The following ZNF551 variants were observed in gnomAD, a reference collection of about 807,000 sequenced individuals.
ZNF551 encodes the protein zinc finger protein 551, also known as KOX 23 protein (56 AA).
A neutral mutation model predicts 7.9 loss-of-function variants in ZNF551; 5 were observed. The ratio of observed to expected loss-of-function variants is 0.63; its 90% CI spans 0.33 to 1.33. The LOEUF (loss-of-function observed/expected upper bound fraction) is 1.33. ZNF551 is among the 40% of genes most tolerant of loss of function. The probability of loss-of-function intolerance (pLI) is 0.05; values close to 1 mark genes in which losing one functional copy is unlikely to be tolerated. For synonymous variants in ZNF551, 287 were observed against 277.3 expected (o/e 1.03, Z -0.35); for missense variants, 788 against 825.2 (o/e 0.95, Z 0.55).
chr19:57,685,950 A>G (rs1018281043), intron 2 of ZNF551, among the ~76,000 whole-genome samples: 2 of 152,154 alleles, frequency 1.3e-5, no homozygotes, highest in Admixed American at 6.5e-5. Context: ...CTACTTCCCT[A>G]TACAATACTG....
In ZNF551 at chr19:57,690,465, A is replaced by G. The variant is rs1295618017; in HGVS notation, c.*2177A>G. 4 of 152,076 alleles carry G rather than the reference A, an allele frequency of 2.6e-5. No homozygotes were observed. The highest frequency in any genetic ancestry group is 5.9e-5 in the Non-Finnish European group (4 of 68,036). The allele number at this position is 152,076 out of a possible 1,614,324, so 9.4% of individuals were successfully genotyped here. ...TGTTTATATATGTGTGTGTGTATAT[A>G]TATATACTTACTGGTTTTCTTCATG... On this transcript the variant is annotated 3_prime_UTR_variant, in exon 3 of 3. Coordinates refer to ENST00000282296, the MANE Select transcript of ZNF551 (RefSeq NM_138347.5).
Position 57,687,066 on chromosome 19 carries a change from A to G in ZNF551, c.791A>G (p.Asn264Ser). Residue 264 changes from asparagine (N) to serine (S), a missense_variant, in exon 3 of 3, where the codon AAC (asparagine) becomes AGC (serine). Physicochemically the swap from Asn to Ser is conservative, Grantham distance 46. Transcript: ENST00000282296. The part of the protein sequence containing the change: ...SKCEKAFTCK[N>S]TLVQHQQIHT... ...TGTGAGAAAGCCTTCACTTGCAAGA[A>G]CACACTTGTTCAGCACCAGCAAATT... The G allele has an allele frequency of 1.5e-5, 24 of 1,614,242 alleles. No homozygotes were observed. The highest frequency in any genetic ancestry group is 1.9e-5 in the Non-Finnish European group (23 of 1,180,034).
Position 57,687,180 on chromosome 19 carries a change from C to T in ZNF551, c.905C>T (p.Thr302Ile). 6.2e-7 allele frequency: 1 copy of T among 1,614,208 alleles called. No homozygotes were observed. Among genetic ancestry groups the T allele is most frequent in the Non-Finnish European group, 8.5e-7 (1 of 1,180,038 alleles). ...CTAATCTTACACAAGATAATTCACA[C>T]TGGAGAAAGGCCTTATGAATGCAGT... The part of the protein sequence containing the change: ...CHLILHKIIH[T>I]GERPYECSDR... The change falls in exon 3 of 3, where the codon ACT becomes ATT. Residue 302 changes from threonine (T) to isoleucine (I), a missense_variant. Coordinates refer to ENST00000282296, the MANE Select transcript of ZNF551 (RefSeq NM_138347.5).
At chr19:57,683,143 C>A (rs116726374) in intron 1 of ZNF551, among the ~76,000 whole-genome samples, 1 of 152,092 alleles carries the variant, frequency 6.6e-6, no homozygotes, top group Non-Finnish European at 1.5e-5. Context: ...ATTAGGCTCC[C>A]TGTGGCTGCA....
intron 1 of ZNF551, among the ~76,000 whole-genome samples, chr19:57,683,874 G>A (rs1240780251): frequency 1.3e-5 from 2 of 152,162 alleles, no homozygotes; most frequent in Non-Finnish European, 2.9e-5. Context: ...TCACCTCTCT[G>A]CAGACTGACC....
intron 1 of ZNF551, among the ~76,000 whole-genome samples, chr19:57,684,589 G>C (rs1358372942): frequency 2.6e-5 from 4 of 152,046 alleles, no homozygotes; most frequent in Non-Finnish European, 5.9e-5. Flanking sequence ...ATGACCAATG[G>C]GACCATAAGG....
Position 57,690,391 on chromosome 19 carries a change from A to G in ZNF551, c.*2103A>G, listed in dbSNP as rs1002457399. The G allele has an allele frequency of 1.1e-4, 16 of 152,002 alleles. No individual in the cohort carries two copies. Among genetic ancestry groups the G allele is most frequent in the Middle Eastern group, 3.4e-3 (1 of 294 alleles). 9.4% of individuals were successfully genotyped at this position (152,002 alleles called of 1,614,324 possible). A position where few individuals can be genotyped will look rare whatever the true frequency, so the allele number is the denominator to read the frequency against. On this transcript the variant is annotated 3_prime_UTR_variant, in exon 3 of 3. Transcript: ENST00000282296. ...GATACATACACACACACACACACAC[A>G]CACACACACACGTATACGCATATAC...
At position 57,681,979 on chromosome 19, in the gene ZNF551, A is replaced by G. The variant is rs1401039402; in HGVS notation, c.-185A>G. 2 of 630,804 alleles carry G rather than the reference A, an allele frequency of 3.2e-6. No individual in the cohort carries two copies. Among genetic ancestry groups the G allele is most frequent in the African/African-American group, 1.9e-5 (1 of 53,700 alleles). 39.1% of individuals were successfully genotyped at this position (630,804 alleles called of 1,614,324 possible). On this transcript the variant is annotated 5_prime_UTR_variant, in exon 1 of 3. Coordinates refer to ENST00000282296, the MANE Select transcript of ZNF551 (RefSeq NM_138347.5). Reference sequence around the variant, plus strand: ...GCGCACGCGCAGCGCGACGGGCCGGAACTTCCGGCGTCCTCCTCGTGGCGG... The same window carrying G: ...GCGCACGCGCAGCGCGACGGGCCGGGACTTCCGGCGTCCTCCTCGTGGCGG...
At position 57,686,948 on chromosome 19, in the gene ZNF551, TG is replaced by T. The variant is rs757313580; in HGVS notation, c.677del (p.Gly226ValfsTer69). 6.2e-7 allele frequency: 1 copy of T among 1,613,834 alleles called. No homozygotes were observed. The highest frequency in any genetic ancestry group is 1.7e-5 in the Admixed American group (1 of 60,012). On this transcript the variant is annotated frameshift_variant, in exon 3 of 3. Coordinates refer to ENST00000282296, the MANE Select transcript of ZNF551 (RefSeq NM_138347.5). LOFTEE classifies it low-confidence loss of function (END_TRUNC). ...TTTCAATGCAAAAAGTTATTACAAG[TG>T]GGGTGAATACAGAAAAGCTTCAAGC... ...AFFNAKSYYK[W>X]GEYRKASSHK...
At position 57,687,193 on chromosome 19, in the gene ZNF551, T is replaced by C. The variant is rs150696603; in HGVS notation, c.918T>C (p.Pro306=). The change falls in exon 3 of 3, where the codon CCT becomes CCC. Residue 306 remains proline, a synonymous_variant. Transcript: ENST00000282296. The stretch of plus-strand genomic sequence containing the variant: ...AGATAATTCACACTGGAGAAAGGCC[T>C]TATGAATGCAGTGATCGTGAGAAAG... ...LHKIIHTGER[P]YECSDREKAF... is the part of the protein sequence containing the mutation. 4 of 1,614,120 alleles carry C rather than the reference T, an allele frequency of 2.5e-6. No individual in the cohort carries two copies. In the African/African-American group the frequency reaches 4.0e-5, roughly 16 times the overall value.
chr19:57,683,461 C>T (rs920171152), intron 1 of ZNF551, among the ~76,000 whole-genome samples: 3 of 152,124 alleles, frequency 2.0e-5, no homozygotes, highest in African/African-American at 7.2e-5. Flanking sequence ...TTATTTTTGA[C>T]CTGCTAAGAG....
intron 2 of ZNF551, 22 bp downstream of exon 2, chr19:57,685,407 G>C (rs777651190): frequency 6.2e-7 from 1 of 1,613,764 alleles, no homozygotes; most frequent in Non-Finnish European, 8.5e-7. Context: ...GCATCCCTCC[G>C]AGTGTCTGCT....
rs1339511951 is a variant in ZNF551, at chr19:57,689,097, G to C, written c.*809G>C. The C allele has an allele frequency of 6.6e-6, 1 of 152,198 alleles. No homozygotes were observed. Among genetic ancestry groups the C allele is most frequent in the Non-Finnish European group, 1.5e-5 (1 of 68,052 alleles). 9.4% of individuals were successfully genotyped at this position (152,198 alleles called of 1,614,324 possible). On this transcript the variant is annotated 3_prime_UTR_variant, in exon 3 of 3. Coordinates refer to ENST00000282296, the MANE Select transcript of ZNF551 (RefSeq NM_138347.5). ...GCTTTGTGTTCCTGTATTGTGGCCTGGTGCCATTTTTGTCAGGTCAGAGGT... is the reference window on the plus strand; with the variant it reads ...GCTTTGTGTTCCTGTATTGTGGCCTCGTGCCATTTTTGTCAGGTCAGAGGT...
chr19:57,682,158 G>A lies in ZNF551; in HGVS notation c.-6G>A. On this transcript the variant is annotated 5_prime_UTR_variant, in exon 1 of 3. Coordinates refer to ENST00000282296, the MANE Select transcript of ZNF551 (RefSeq NM_138347.5). ...CCAGGCCCGGGATAGGGACTGTTGT[G>A]TTCGAATGCCCGCCCCGGTCGGCCG... 1 of 1,548,082 alleles carries A rather than the reference G, an allele frequency of 6.5e-7. No individual in the cohort carries two copies. Among genetic ancestry groups the A allele is most frequent in the Non-Finnish European group, 8.7e-7 (1 of 1,146,758 alleles).
In ZNF551 at chr19:57,682,209, T is replaced by G. The variant is rs1457987330; in HGVS notation, c.46T>G (p.Ser16Ala). 3 of 1,550,380 alleles carry G rather than the reference T, an allele frequency of 1.9e-6. No homozygotes were observed. The East Asian group carries it at 7.3e-5, about 38-fold the overall frequency. The stretch of plus-strand genomic sequence containing the variant: ...CCGCTCCCCGCCTAGTCCACGGAGC[T>G]CAATGGCGGCAGTCGCGCTGAGGGA... Reference protein sequence around the residue: ...GRRSPPSPRSSMAAVALRDSA... With the variant: ...GRRSPPSPRSAMAAVALRDSA... The change falls in exon 1 of 3, where the codon TCA (serine) becomes GCA (alanine). Residue 16 changes from serine to alanine, a missense_variant. Coordinates refer to ENST00000282296, the MANE Select transcript of ZNF551 (RefSeq NM_138347.5).
Position 57,686,848 on chromosome 19 carries a change from G to A in ZNF551, c.573G>A (p.Thr191=), listed in dbSNP as rs140827099. The change falls in exon 3 of 3, where the codon ACG becomes ACA. Residue 191 remains threonine, a synonymous_variant. Transcript: ENST00000282296. ...GTGGGGAGGCCTTCCCAGCCCCCAC[G>A]GACCTACTCCAACACGAAGCCACTC... ...FTCGEAFPAP[T]DLLQHEATPS... 2.9e-4 allele frequency: 472 copies of A among 1,614,006 alleles called. No individual in the cohort carries two copies. Among genetic ancestry groups the A allele is most frequent in the Non-Finnish European group, 3.7e-4 (434 of 1,180,022 alleles).
chr19:57,687,393 G>A lies in ZNF551; in HGVS notation c.1118G>A (p.Arg373Lys), dbSNP rs1371576120. 6.2e-7 allele frequency: 1 copy of A among 1,614,092 alleles called. No homozygotes were observed. Among genetic ancestry groups the A allele is most frequent in the Non-Finnish European group, 8.5e-7 (1 of 1,180,016 alleles). Residue 373 changes from arginine (R) to lysine (K), a missense_variant, in exon 3 of 3, where the codon AGA (arginine) becomes AAA (lysine). Transcript: ENST00000282296. ...TGTGGCGAGTGCGGGAAATCCTTTA[G>A]ACAAAGCTCTAGCCTTTTTCGACAC... ...YECGECGKSF[R>K]QSSSLFRHQR...
intron 1 of ZNF551, 69 bp downstream of exon 1, chr19:57,682,313 C>A: frequency 1.3e-6 from 2 of 1,484,314 alleles, no homozygotes; most frequent in South Asian, 1.2e-5. Context: ...GTGAGGGATG[C>A]CTGCTCACAG....
chr19:57,686,660 C>T lies in ZNF551; in HGVS notation c.385C>T (p.Gln129Ter), dbSNP rs562728525. The change falls in exon 3 of 3, where the codon CAA (glutamine) becomes TAA (stop). Residue 129 changes from glutamine (Q) to a stop codon, truncating the protein, a stop_gained. Coordinates refer to ENST00000282296, the MANE Select transcript of ZNF551 (RefSeq NM_138347.5). LOFTEE classifies it low-confidence loss of function (END_TRUNC). ...AAEHQTTSPVQKSYLGSTSMR... is the reference protein window; with the variant it reads ...AAEHQTTSPV ...TGAGCACCAAACCACATCCCCTGTG[C>T]AAAAGTCATACTTGGGTAGCACAAG... The T allele has an allele frequency of 1.2e-6, 2 of 1,614,196 alleles. No homozygotes were observed. Among genetic ancestry groups the T allele is most frequent in the Non-Finnish European group, 1.7e-6 (2 of 1,180,040 alleles).
Sources: allele counts gnomAD v4.1 joint callset (sites outside exome capture counted in the v4.1 genomes callset), GRCh38; gene constraint gnomAD v4.1.1; transcripts MANE v1.5; gene names NCBI Gene and HGNC (gene_info 2026-07-23, HGNC 2026-07-21).